The following TMEM215 variants were observed in gnomAD, a reference collection of about 807,000 sequenced individuals.
The protein encoded by TMEM215 is transmembrane protein 215.
Under a neutral mutation model 14.7 loss-of-function variants are expected in TMEM215, and 12 were observed. The observed-to-expected ratio is 0.82, with a 90% CI of 0.52 to 1.33. The LOEUF (loss-of-function observed/expected upper bound fraction) is 1.33, where lower values mean the gene tolerates loss of function less well. Ranked by LOEUF, TMEM215 falls within the 40% of genes most tolerant of loss-of-function variation. The pLI, the probability that TMEM215 is intolerant of heterozygous loss-of-function variation, is 0.00. For missense variants in TMEM215, 276 were observed against 296.2 expected, an observed-to-expected ratio of 0.93 and a Z score of 0.50; for synonymous variants, 122 against 124.8, an observed-to-expected ratio of 0.98 and a Z score of 0.15.
rs1824536608 is a variant in TMEM215, at chr9:32,788,930, G to T, written c.*4039G>T. Among the ~76,000 whole-genome samples, 1 of 152,166 alleles carries T rather than the reference G, an allele frequency of 6.6e-6. No homozygotes were observed. Among genetic ancestry groups the T allele is most frequent in the Admixed American group, 6.5e-5 (1 of 15,284 alleles). ...TGTTCAACAAGCAAAATGATAAATA[G>T]ATGTAAACAATAATAATGACTTTGT... On this transcript the variant is annotated 3_prime_UTR_variant, in exon 2 of 2. Transcript: ENST00000342743.
chr9:32,784,544 C>G lies in TMEM215; in HGVS notation c.361C>G (p.Pro121Ala). The change falls in exon 2 of 2, where the codon CCT becomes GCT. Residue 121 changes from proline to alanine, a missense_variant. Pro to Ala is a conservative substitution (Grantham distance 27, BLOSUM62 -1). Coordinates refer to ENST00000342743, the MANE Select transcript of TMEM215 (RefSeq NM_212558.3). ...TAAGAAGGCGGGCCTCAGGGGGAAG[C>G]CTCCCCCACAAAGCCAGGGTGAGGT... ...LAKKAGLRGK[P>A]PPQSQGEVSV... 1 of 1,613,894 alleles carries G rather than the reference C, an allele frequency of 6.2e-7. No homozygotes were observed. The highest frequency in any genetic ancestry group is 1.3e-5 in the African/African-American group (1 of 75,026).
rs1426621936 is a variant in TMEM215, at chr9:32,783,825, C to T, written c.-59+20C>T. 3 of 205,610 alleles carry T rather than the reference C, an allele frequency of 1.5e-5. No homozygotes were observed. Among genetic ancestry groups the T allele is most frequent in the African/African-American group, 2.3e-5 (1 of 42,908 alleles). The allele number at this position is 205,610 out of a possible 1,614,324, so 12.7% of individuals were successfully genotyped here. On this transcript the variant is annotated intron_variant, in intron 1 of 1. Transcript: ENST00000342743. ...CCTCAGGTACCTCGTTGACCCCAGCCGGAGCGTGTTGATATGAGAGAGAGA... is the reference window on the plus strand; with the variant it reads ...CCTCAGGTACCTCGTTGACCCCAGCTGGAGCGTGTTGATATGAGAGAGAGA...
Position 32,784,705 on chromosome 9 carries a change from C to T in TMEM215, c.522C>T (p.Tyr174=), listed in dbSNP as rs1824485528. The part of the protein sequence containing the change: ...GYCPSGSSLT[Y]SALDVKCSAR... ...GCCCCTCGGGCAGTTCCCTCACCTA[C>T]AGTGCCTTGGACGTCAAGTGCTCAG... Residue 174 remains tyrosine, a synonymous_variant, in exon 2 of 2, where the codon TAC becomes TAT. Transcript: ENST00000342743. The T allele has an allele frequency of 3.1e-6, 5 of 1,614,138 alleles. No homozygotes were observed. Among genetic ancestry groups the T allele is most frequent in the Non-Finnish European group, 3.4e-6 (4 of 1,180,038 alleles).
chr9:32,784,332 GCCTA>G lies in TMEM215; in HGVS notation c.152_155del (p.Leu51GlnfsTer41), dbSNP rs1563867353. ...CTCCTGGCCATCGGGCCAGCCATCT[GCCTA>G]CCAGGCATCGCAGCCATTGCCCTGG... On this transcript the variant is annotated frameshift_variant, in exon 2 of 2. Coordinates refer to ENST00000342743, the MANE Select transcript of TMEM215 (RefSeq NM_212558.3). LOFTEE classifies it high-confidence loss of function. 1 of 1,614,214 alleles carries G rather than the reference GCCTA, an allele frequency of 6.2e-7. No individual in the cohort carries two copies. The highest frequency in any genetic ancestry group is 1.7e-5 in the Admixed American group (1 of 60,028).
Position 32,787,543 on chromosome 9 carries a change from A to C in TMEM215, c.*2652A>C, listed in dbSNP as rs1824519835. ...ATCAATACTTGTAAGTACTATTCAG[A>C]GTTAAACTTCCAAAGTCAAAAAATA... On this transcript the variant is annotated 3_prime_UTR_variant, in exon 2 of 2. Transcript: ENST00000342743. The C allele has an allele frequency of 6.0e-6, 1 of 166,642 alleles. No homozygotes were observed. Among genetic ancestry groups the C allele is most frequent in the African/African-American group, 2.4e-5 (1 of 41,334 alleles). 10.3% of individuals were successfully genotyped at this position (166,642 alleles called of 1,614,324 possible). A position where few individuals can be genotyped will look rare whatever the true frequency, so the allele number is the denominator to read the frequency against.
rs539959756 is a variant in TMEM215, at chr9:32,783,996, A to C, written c.-58-130A>C. 6.6e-6 allele frequency: 4 copies of C among 604,512 alleles called. No individual in the cohort carries two copies. The East Asian group carries it at 1.1e-4, about 17-fold the overall frequency. 37.4% of individuals were successfully genotyped at this position (604,512 alleles called of 1,614,324 possible). On this transcript the variant is annotated intron_variant, in intron 1 of 1. Coordinates refer to ENST00000342743, the MANE Select transcript of TMEM215 (RefSeq NM_212558.3). ...GAGATAGAGAGATTGCAAGAGAGAT[A>C]CAGAGACAGAGATCAAGACTGAAAG...
Position 32,784,411 on chromosome 9 carries a change from G to A in TMEM215, c.228G>A (p.Trp76Ter). ...AGTGGCCAGAGAACGAGCTGCTGTG[G>A]GTCCGCAAATTGCCCTGCTTCCGGA... ...CTKWPENELL[W>*]VRKLPCFRKP... Residue 76 changes from tryptophan to a stop codon, truncating the protein, a stop_gained, in exon 2 of 2, where the codon TGG becomes TGA. Transcript: ENST00000342743. LOFTEE classifies it high-confidence loss of function. 6.2e-7 allele frequency: 1 copy of A among 1,614,236 alleles called. No homozygotes were observed. The highest frequency in any genetic ancestry group is 1.1e-5 in the South Asian group (1 of 91,088).
At position 32,784,650 on chromosome 9, in the gene TMEM215, A is replaced by G; in HGVS notation, c.467A>G (p.Glu156Gly). 2 of 1,613,990 alleles carry G rather than the reference A, an allele frequency of 1.2e-6. No homozygotes were observed. Among genetic ancestry groups the G allele is most frequent in the Non-Finnish European group, 1.7e-6 (2 of 1,179,966 alleles). The change falls in exon 2 of 2, where the codon GAG (glutamate) becomes GGG (glycine). Residue 156 changes from glutamate (E) to glycine (G), a missense_variant. Transcript: ENST00000342743. ...CQSLVQNGHQ[E>G]ETSRYLDGYC... ...AGCCTCGTCCAGAATGGGCATCAGG[A>G]GGAGACGTCCAGATACCTGGACGGC...
Position 32,784,156 on chromosome 9 carries a change from G to A in TMEM215, c.-28G>A. 6.3e-7 allele frequency: 1 copy of A among 1,585,000 alleles called. No homozygotes were observed. The highest frequency in any genetic ancestry group is 8.6e-7 in the Non-Finnish European group (1 of 1,164,070). ...AGGAACGCTGCTCCCTGGTCAGCAA[G>A]CAGCCCCCAACCTGGATGGAGTGAA... On this transcript the variant is annotated 5_prime_UTR_variant, in exon 2 of 2. Coordinates refer to ENST00000342743, the MANE Select transcript of TMEM215 (RefSeq NM_212558.3).
In TMEM215 at chr9:32,789,068, A is replaced by G. The variant is rs1420850694; in HGVS notation, c.*4177A>G. Among the ~76,000 whole-genome samples the G allele has an allele frequency of 6.6e-6, 1 of 152,234 alleles. No individual in the cohort carries two copies. Among genetic ancestry groups the G allele is most frequent in the East Asian group, 1.9e-4 (1 of 5,206 alleles). ...TGACTTACAAATGAACTGGAATTTC[A>G]GGAATCTGATAGACTCTGCCCTTGA... is the stretch of plus-strand genomic sequence containing the variant. On this transcript the variant is annotated 3_prime_UTR_variant, in exon 2 of 2. Coordinates refer to ENST00000342743, the MANE Select transcript of TMEM215 (RefSeq NM_212558.3).
rs143664879 is a variant in TMEM215 at position 32,784,608 on chromosome 9, A to T, written c.425A>T (p.Glu142Val). The change falls in exon 2 of 2, where the codon GAG becomes GTG. Residue 142 changes from glutamate (E) to valine (V), a missense_variant. Transcript: ENST00000342743. ...TCCATCAACAGCCCCACACCCACGG[A>T]GGAAGGAGAATGCCAGAGCCTCGTC... ...ASSINSPTPT[E>V]EGECQSLVQN... The T allele has an allele frequency of 9.9e-6, 16 of 1,613,686 alleles. No individual in the cohort carries two copies. The highest frequency in any genetic ancestry group is 1.3e-5 in the Non-Finnish European group (15 of 1,179,890).
rs1824486639 is a variant in TMEM215, at chr9:32,784,762, G to C, written c.579G>C (p.Glu193Asp). 7.4e-6 allele frequency: 12 copies of C among 1,614,034 alleles called. No homozygotes were observed. The highest frequency in any genetic ancestry group is 1.0e-5 in the Non-Finnish European group (12 of 1,180,028). The change falls in exon 2 of 2, where the codon GAG (glutamate) becomes GAC (aspartate). Residue 193 changes from glutamate (E) to aspartate (D), a missense_variant. Coordinates refer to ENST00000342743, the MANE Select transcript of TMEM215 (RefSeq NM_212558.3). Reference sequence around the variant, plus strand: ...ACAGATCTGAGTGCCCTGAGCCTGAGGATAGCATCTTCTTTGTGCCCCAGG... The same window carrying C: ...ACAGATCTGAGTGCCCTGAGCCTGACGATAGCATCTTCTTTGTGCCCCAGG... Reference protein sequence around the residue: ...ARDRSECPEPEDSIFFVPQDS... With the variant: ...ARDRSECPEPDDSIFFVPQDS...
In TMEM215 at chr9:32,787,455, G is replaced by A. The variant is rs1343232801; in HGVS notation, c.*2564G>A. ...GAATAAAATGTATGATTGTGTGTGT[G>A]AATTTCTCCTAACATATTAACCAAC... On this transcript the variant is annotated 3_prime_UTR_variant, in exon 2 of 2. Transcript: ENST00000342743. 1.8e-5 allele frequency: 3 copies of A among 166,860 alleles called. No homozygotes were observed. Among genetic ancestry groups the A allele is most frequent in the African/African-American group, 7.2e-5 (3 of 41,428 alleles). The allele number at this position is 166,860 out of a possible 1,614,324, so 10.3% of individuals were successfully genotyped here. A position where few individuals can be genotyped will look rare whatever the true frequency, so the allele number is the denominator to read the frequency against.
chr9:32,784,408 G>A lies in TMEM215; in HGVS notation c.225G>A (p.Leu75=), dbSNP rs1824478688. The A allele has an allele frequency of 2.5e-6, 4 of 1,614,240 alleles. No individual in the cohort carries two copies. Among genetic ancestry groups the A allele is most frequent in the South Asian group, 2.2e-5 (2 of 91,086 alleles). Reference sequence around the variant, plus strand: ...CCAAGTGGCCAGAGAACGAGCTGCTGTGGGTCCGCAAATTGCCCTGCTTCC... The same window carrying A: ...CCAAGTGGCCAGAGAACGAGCTGCTATGGGTCCGCAAATTGCCCTGCTTCC... ...GCTKWPENEL[L]WVRKLPCFRK... Residue 75 remains leucine (L), a synonymous_variant, in exon 2 of 2, where the codon CTG becomes CTA. Transcript: ENST00000342743.
Position 32,785,080 on chromosome 9 carries a change from A to T in TMEM215, c.*189A>T, listed in dbSNP as rs539548519. The stretch of plus-strand genomic sequence containing the variant: ...TGGGGACACATTTTAGGGAAGGGCG[A>T]TGAGGGTTAAGGACACTGGAAGAGG... On this transcript the variant is annotated 3_prime_UTR_variant, in exon 2 of 2. Transcript: ENST00000342743. The T allele has an allele frequency of 6.5e-6, 4 of 610,752 alleles. No individual in the cohort carries two copies. The East Asian group carries it at 8.4e-5, about 13-fold the overall frequency. 37.8% of individuals were successfully genotyped at this position (610,752 alleles called of 1,614,324 possible).
chr9:32,784,119 C>CT lies in TMEM215; in HGVS notation c.-58-6dup, dbSNP rs1171444003. ...TTTTTAACGCACTGTGGTTTCATCT[C>CT]TGACAGAATAGAGGAACGCTGCTCC... is the stretch of plus-strand genomic sequence containing the variant. On this transcript the variant is annotated splice_region_variant and splice_polypyrimidine_tract_variant and intron_variant, in intron 1 of 1. Transcript: ENST00000342743. 4.0e-6 allele frequency: 6 copies of CT among 1,489,274 alleles called. No homozygotes were observed. The African/African-American group carries it at 8.4e-5, about 21-fold the overall frequency. 92.3% of individuals were successfully genotyped at this position (1,489,274 alleles called of 1,614,324 possible).
rs1209316939 is a variant in TMEM215 at position 32,784,211 on chromosome 9, A to C, written c.28A>C (p.Thr10Pro). 6.2e-7 allele frequency: 1 copy of C among 1,613,922 alleles called. No individual in the cohort carries two copies. The highest frequency in any genetic ancestry group is 2.2e-5 in the East Asian group (1 of 44,862). MRPDDINPR[T>P]GLVVALVSVF... ...GCGGCCTGATGACATTAACCCGAGG[A>C]CTGGGCTGGTGGTGGCCCTGGTCAG... The change falls in exon 2 of 2, where the codon ACT (threonine) becomes CCT (proline). Residue 10 changes from threonine (T) to proline (P), a missense_variant. Physicochemically the swap from Thr to Pro is conservative, Grantham distance 38. Transcript: ENST00000342743.
In TMEM215 at chr9:32,784,243, C is replaced by A; in HGVS notation, c.60C>A (p.Phe20Leu). ...TGGTGGTGGCCCTGGTCAGTGTCTT[C>A]CTCGTCTTTGGTTTCATGTTCACCG... ...TGLVVALVSV[F>L]LVFGFMFTVS... is the part of the protein sequence containing the mutation. Residue 20 changes from phenylalanine (F) to leucine (L), a missense_variant, in exon 2 of 2, where the codon TTC (phenylalanine) becomes TTA (leucine). Phe to Leu is a conservative substitution (Grantham distance 22, BLOSUM62 0). Coordinates refer to ENST00000342743, the MANE Select transcript of TMEM215 (RefSeq NM_212558.3). 1 of 1,614,200 alleles carries A rather than the reference C, an allele frequency of 6.2e-7. No individual in the cohort carries two copies. Among genetic ancestry groups the A allele is most frequent in the Non-Finnish European group, 8.5e-7 (1 of 1,180,038 alleles).
In TMEM215 at chr9:32,785,813, T is replaced by A. The variant is rs149313746; in HGVS notation, c.*922T>A. 1.0e-4 allele frequency: 17 copies of A among 166,978 alleles called. No homozygotes were observed. In the East Asian group the frequency reaches 3.3e-3, roughly 32 times the overall value. 10.3% of individuals were successfully genotyped at this position (166,978 alleles called of 1,614,324 possible). A position where few individuals can be genotyped will look rare whatever the true frequency, so the allele number is the denominator to read the frequency against. On this transcript the variant is annotated 3_prime_UTR_variant, in exon 2 of 2. Transcript: ENST00000342743. Reference sequence around the variant, plus strand: ...TACCATTCCTACATACCTTTTAAAATCTGAAAACTATAAAGTCTACACATT... The same window carrying A: ...TACCATTCCTACATACCTTTTAAAAACTGAAAACTATAAAGTCTACACATT...
Sources: gnomAD v4.1 joint callset for allele counts (sites outside exome capture counted in the v4.1 genomes callset) on GRCh38, gnomAD v4.1.1 for gene constraint, MANE v1.5 for transcripts, NCBI Gene and HGNC (gene_info 2026-07-23, HGNC 2026-07-21) for gene names.